The following TM4SF4 variants were observed in gnomAD, a reference collection of about 807,000 sequenced individuals.
The protein encoded by TM4SF4 is transmembrane 4 L six family member 4.
Under a neutral mutation model 24.1 loss-of-function variants are expected in TM4SF4, and 24 were observed. The observed-to-expected ratio is 1.00, with a 90% CI of 0.72 to 1.40. The LOEUF (loss-of-function observed/expected upper bound fraction) is 1.40. Ranked by LOEUF, TM4SF4 falls within the 40% of genes most tolerant of loss-of-function variation. The pLI, the probability that TM4SF4 is intolerant of heterozygous loss-of-function variation, is 0.00. For missense variants in TM4SF4, 254 were observed against 254.2 expected (o/e 1.00, Z 0.01); for synonymous variants, 113 against 97.0 (o/e 1.17, Z -0.97).
intron 3 of TM4SF4, among the ~76,000 whole-genome samples, chr3:149,493,476 A>G (rs560621327): frequency 7.9e-5 from 12 of 152,176 alleles, no homozygotes; most frequent in Non-Finnish European, 1.3e-4. Context: ...AATCTGTAAA[A>G]TGGGTATATG....
At position 149,475,875 on chromosome 3, in the gene TM4SF4, G is replaced by A. The variant is rs1200529400; in HGVS notation, c.227G>A (p.Gly76Glu). ...FLGLKNNDCC[G>E]CCGNEGCGKR... ...GGCCTGAAGAACAATGACTGCTGTG[G>A]GTGCTGCGGCAACGAGGGCTGTGGG... Residue 76 changes from glycine to glutamate, a missense_variant, in exon 2 of 5, where the codon GGG (glycine) becomes GAG (glutamate). Gly to Glu is a moderately conservative substitution (Grantham distance 98). Coordinates refer to ENST00000305354, the MANE Select transcript of TM4SF4 (RefSeq NM_004617.4). 5.6e-6 allele frequency: 9 copies of A among 1,613,178 alleles called. No homozygotes were observed. The highest frequency in any genetic ancestry group is 7.6e-6 in the Non-Finnish European group (9 of 1,179,628).
chr3:149,498,993 C>A, intron 4 of TM4SF4, 82 bp downstream of exon 4: 1 of 1,444,622 alleles, frequency 6.9e-7, no homozygotes, highest in Non-Finnish European at 9.5e-7. Flanking sequence ...CAGGTCAGGC[C>A]ACCAGCACTG....
At position 149,502,703 on chromosome 3, in the gene TM4SF4, A is replaced by G; in HGVS notation, c.*10A>G. The G allele has an allele frequency of 1.3e-6, 2 of 1,591,550 alleles. No individual in the cohort carries two copies. Among genetic ancestry groups the G allele is most frequent in the Non-Finnish European group, 8.6e-7 (1 of 1,160,166 alleles). ...AGATGGACCCGTTTAAACCTCCGAG[A>G]TGAGCTGCTCAGACTCTACAGCATG... On this transcript the variant is annotated 3_prime_UTR_variant, in exon 5 of 5. Transcript: ENST00000305354.
chr3:149,501,138 A>C (rs964435730), intron 4 of TM4SF4, among the ~76,000 whole-genome samples: 3 of 152,094 alleles, frequency 2.0e-5, no homozygotes, highest in Admixed American at 6.5e-5. Flanking sequence ...AAACACATTC[A>C]TAGGTGTCAG....
At chr3:149,495,060 T>C in intron 3 of TM4SF4, 1 of 257,330 alleles carries the variant, frequency 3.9e-6, no homozygotes, top group Non-Finnish European at 7.7e-6. Flanking sequence ...CCCTTCGTGC[T>C]TACACACTGG....
At chr3:149,481,744 T>C (rs371277733) in intron 2 of TM4SF4, among the ~76,000 whole-genome samples, 11 of 152,258 alleles carry the variant, frequency 7.2e-5, no homozygotes, top group African/African-American at 2.4e-4. Context: ...AAGCTGGCAA[T>C]TGGTGAGTTA....
chr3:149,478,886 C>T (rs1733980531), intron 2 of TM4SF4, among the ~76,000 whole-genome samples: 1 of 152,214 alleles, frequency 6.6e-6, no homozygotes, highest in Admixed American at 6.5e-5. Context: ...GCCTTAGCCT[C>T]CCGAGTAGCT....
Position 149,498,708 on chromosome 3 carries a change from T to C in TM4SF4, c.402-14T>C, listed in dbSNP as rs777099521. 5 of 1,613,208 alleles carry C rather than the reference T, an allele frequency of 3.1e-6. No individual in the cohort carries two copies. The highest frequency in any genetic ancestry group is 1.7e-5 in the Admixed American group (1 of 60,010). Reference sequence around the variant, plus strand: ...TTTTACAAATGTTTCCTTTGTCCCCTATATCACCAACAGGGATTATCTCAA... The same window carrying C: ...TTTTACAAATGTTTCCTTTGTCCCCCATATCACCAACAGGGATTATCTCAA... On this transcript the variant is annotated splice_polypyrimidine_tract_variant and intron_variant, in intron 3 of 4. Transcript: ENST00000305354.
chr3:149,487,763 C>G lies in TM4SF4; in HGVS notation c.401+8C>G. The G allele has an allele frequency of 6.2e-7, 1 of 1,613,578 alleles. No homozygotes were observed. The highest frequency in any genetic ancestry group is 8.5e-7 in the Non-Finnish European group (1 of 1,179,562). On this transcript the variant is annotated splice_region_variant and intron_variant, in intron 3 of 4. Coordinates refer to ENST00000305354, the MANE Select transcript of TM4SF4 (RefSeq NM_004617.4). ...CTACCCCTTCCACGACGGGTAAGGC[C>G]ACACCCTGCAATGCCCACCTGTCAC...
intron 3 of TM4SF4, among the ~76,000 whole-genome samples, chr3:149,496,510 C>T (rs903703512): frequency 1.1e-4 from 16 of 152,214 alleles, no homozygotes; most frequent in African/African-American, 2.2e-4. Context: ...GGCCAGATGC[C>T]GTGGCTCACA....
At chr3:149,487,341 CT>C (rs1560030982) in intron 2 of TM4SF4, among the ~76,000 whole-genome samples, 1 of 152,076 alleles carries the variant, frequency 6.6e-6, no homozygotes, top group Non-Finnish European at 1.5e-5. Flanking sequence ...GAGAGTTTAT[CT>C]TTAACAAGGT....
In TM4SF4 at chr3:149,475,882, C is replaced by T. The variant is rs763456360; in HGVS notation, c.234C>T (p.Cys78=). ...GLKNNDCCGC[C]GNEGCGKRFA... is the part of the protein sequence containing the mutation. ...AGAACAATGACTGCTGTGGGTGCTGCGGCAACGAGGGCTGTGGGAAGCGAT... is the reference window on the plus strand; with the variant it reads ...AGAACAATGACTGCTGTGGGTGCTGTGGCAACGAGGGCTGTGGGAAGCGAT... Residue 78 remains cysteine (C), a synonymous_variant, in exon 2 of 5, where the codon TGC becomes TGT. Transcript: ENST00000305354. The T allele has an allele frequency of 3.1e-6, 5 of 1,612,976 alleles. No individual in the cohort carries two copies. The South Asian group carries it at 3.3e-5, about 11-fold the overall frequency.
rs752700550 is a variant in TM4SF4 at position 149,498,723 on chromosome 3, G to T, written c.403G>T (p.Asp135Tyr). ...CTTTGTCCCCTATATCACCAACAGG[G>T]ATTATCTCAATGATGAGGCCTTATG... ...STWGYPFHDG[D>Y]YLNDEALWNK... is the part of the protein sequence containing the mutation. The change falls in exon 4 of 5, where the codon GAT (aspartate) becomes TAT (tyrosine). Residue 135 changes from aspartate to tyrosine, a missense_variant and splice_region_variant. Transcript: ENST00000305354. 6.2e-7 allele frequency: 1 copy of T among 1,613,872 alleles called. No individual in the cohort carries two copies. The highest frequency in any genetic ancestry group is 8.5e-7 in the Non-Finnish European group (1 of 1,179,832).
At chr3:149,496,458 G>A (rs150069779) in intron 3 of TM4SF4, among the ~76,000 whole-genome samples, 4 of 152,204 alleles carry the variant, frequency 2.6e-5, no homozygotes, top group African/African-American at 9.6e-5. Context: ...ACCCTCTATA[G>A]CAAAGTTTAA....
At chr3:149,499,097 C>T (rs962248082) in intron 4 of TM4SF4, among the ~76,000 whole-genome samples, 186 bp downstream of exon 4, 10 of 152,190 alleles carry the variant, frequency 6.6e-5, no homozygotes, top group African/African-American at 2.4e-4. Context: ...GAGACAGACA[C>T]ATTGCATTAC....
At chr3:149,492,068 G>C (rs1249530637) in intron 3 of TM4SF4, among the ~76,000 whole-genome samples, 2 of 152,114 alleles carry the variant, frequency 1.3e-5, no homozygotes, top group Non-Finnish European at 2.9e-5. Flanking sequence ...AAAGTGAATA[G>C]GAGGATTCAG....
chr3:149,500,925 T>A (rs1734408104), intron 4 of TM4SF4, among the ~76,000 whole-genome samples: 1 of 150,744 alleles, frequency 6.6e-6, no homozygotes, highest in South Asian at 2.1e-4. Flanking sequence ...CTCAGGAGGC[T>A]GAGCTGGGAG....
Position 149,502,978 on chromosome 3 carries a change from T to C in TM4SF4, c.*285T>C. ...TCAAAGCATACTTTTCATGATTTTT[T>C]TATTACAAATGTAAAATGTATAAAG... On this transcript the variant is annotated 3_prime_UTR_variant, in exon 5 of 5. Coordinates refer to ENST00000305354, the MANE Select transcript of TM4SF4 (RefSeq NM_004617.4). 3.0e-6 allele frequency: 1 copy of C among 335,944 alleles called. No homozygotes were observed. Among genetic ancestry groups the C allele is most frequent in the Non-Finnish European group, 5.4e-6 (1 of 185,914 alleles). The allele number at this position is 335,944 out of a possible 1,614,324, so 20.8% of individuals were successfully genotyped here.
intron 4 of TM4SF4, 50 bp downstream of exon 4, chr3:149,498,961 A>G: frequency 6.3e-7 from 1 of 1,597,266 alleles, no homozygotes; most frequent in Non-Finnish European, 8.6e-7. Flanking sequence ...AGGCCAGGTC[A>G]GGCCACTAGC....
Sources: gnomAD v4.1 joint callset for allele counts (sites outside exome capture counted in the v4.1 genomes callset) on GRCh38, gnomAD v4.1.1 for gene constraint, MANE v1.5 for transcripts, NCBI Gene and HGNC (gene_info 2026-07-23, HGNC 2026-07-21) for gene names.